HYKK: variants seen among roughly 807,000 people sequenced by gnomAD.
The protein encoded by HYKK is hydroxylysine kinase.
In HYKK, 19 loss-of-function variants were observed where a neutral mutation model predicts 29.7. The ratio of observed to expected loss-of-function variants is 0.64; its 90% CI spans 0.45 to 0.94. The LOEUF (loss-of-function observed/expected upper bound fraction) is 0.94, where lower values mean the gene tolerates loss of function less well. Ranked by LOEUF, HYKK falls within the 40% of genes least tolerant of loss-of-function variation. The pLI is 0.00. For missense variants in HYKK, 390 were observed against 443.4 expected (o/e 0.88, Z 1.08); for synonymous variants, 152 against 158.1 (o/e 0.96, Z 0.29).
chr15:78,512,438 G>T lies in HYKK; in HGVS notation c.-5-646G>T, dbSNP rs1217927812. Among the ~76,000 whole-genome samples, 3 of 120,524 alleles carry T rather than the reference G, an allele frequency of 2.5e-5. No homozygotes were observed. In the Admixed American group the frequency reaches 3.4e-4, roughly 14 times the overall value. The allele number at this position is 120,524 out of a possible 152,430, so 79.1% of individuals were successfully genotyped here. On this transcript the variant is annotated intron_variant, in intron 1 of 4. Transcript: ENST00000388988. ...TTTTTTTGAGATGGAGTCTCGCCCT[G>T]TTGCCCAGGCTAGAGTGTAGTGGTG...
intron 1 of HYKK, 75 bp from the exon 2 acceptor site, chr15:78,513,009 G>A (rs2052089570): frequency 7.6e-6 from 6 of 787,858 alleles, no homozygotes; most frequent in Non-Finnish European, 2.1e-6. Context: ...TTACTGGTCT[G>A]TCTTGAGAAA....
At chr15:78,510,958 CTTTTTTTT>C (rs923918603) in intron 1 of HYKK, among the ~76,000 whole-genome samples, 3 of 85,158 alleles carry the variant, frequency 3.5e-5, no homozygotes, top group Admixed American at 1.2e-4. Flanking sequence ...TCATGAGATT[CTTTTTTTT>C]TTTTTTTTTT....
chr15:78,509,484 A>G (rs2052049742), intron 1 of HYKK, among the ~76,000 whole-genome samples: 1 of 152,266 alleles, frequency 6.6e-6, no homozygotes, highest in Admixed American at 6.5e-5. Flanking sequence ...GTATGGGAAC[A>G]TCTGGAATAG....
At position 78,527,569 on chromosome 15, in the gene HYKK, T is replaced by C. The variant is rs758629982; in HGVS notation, c.661+6T>C. The C allele has an allele frequency of 1.2e-6, 2 of 1,610,584 alleles. No individual in the cohort carries two copies. The highest frequency in any genetic ancestry group is 3.3e-5 in the Admixed American group (2 of 59,988). On this transcript the variant is annotated splice_donor_region_variant and intron_variant, in intron 4 of 4. Coordinates refer to ENST00000388988, the MANE Select transcript of HYKK (RefSeq NM_001013619.4). ...ATTAAGTCATTTTCGAGAATGTGAG[T>C]ATTCTCCCAATTAAGTATTTTTCTT...
chr15:78,510,283 C>T (rs1037194701), intron 1 of HYKK, among the ~76,000 whole-genome samples: 1 of 151,944 alleles, frequency 6.6e-6, no homozygotes, highest in Non-Finnish European at 1.5e-5. Flanking sequence ...CTCTGGGTTC[C>T]AGTGATTCTC....
chr15:78,518,944 C>G (rs2052164240), intron 3 of HYKK, among the ~76,000 whole-genome samples: 2 of 151,720 alleles, frequency 1.3e-5, no homozygotes, highest in South Asian at 2.1e-4. Flanking sequence ...AACTGAAACC[C>G]CTGTTGCAGT....
At chr15:78,525,257 G>A (rs1048275269) in intron 3 of HYKK, among the ~76,000 whole-genome samples, 2 of 151,678 alleles carry the variant, frequency 1.3e-5, no homozygotes, top group Non-Finnish European at 2.9e-5. Context: ...CCAGATTCAT[G>A]CCATTCTCCT....
At position 78,512,002 on chromosome 15, in the gene HYKK, C is replaced by G. The variant is rs553925937; in HGVS notation, c.-5-1082C>G. Among the ~76,000 whole-genome samples the G allele has an allele frequency of 6.6e-5, 10 of 152,286 alleles. No individual in the cohort carries two copies. In the South Asian group the frequency reaches 2.1e-3, roughly 32 times the overall value. The stretch of plus-strand genomic sequence containing the variant: ...TCATAGGTCACAAACTCAAATGTAA[C>G]TTTATTTTTTGTAATTGACCTTAAT... On this transcript the variant is annotated intron_variant, in intron 1 of 4. Coordinates refer to ENST00000388988, the MANE Select transcript of HYKK (RefSeq NM_001013619.4).
intron 4 of HYKK, among the ~76,000 whole-genome samples, chr15:78,532,291 C>T (rs1226447388): frequency 6.6e-6 from 1 of 152,192 alleles, no homozygotes; most frequent in African/African-American, 2.4e-5. Context: ...GACAAGGCCA[C>T]TGATCACACT....
intron 4 of HYKK, among the ~76,000 whole-genome samples, chr15:78,531,817 G>A (rs879588376): frequency 2.6e-5 from 4 of 152,174 alleles, no homozygotes; most frequent in Admixed American, 6.5e-5. Context: ...TTACAGGCAT[G>A]AGCCACTGGG....
chr15:78,519,117 G>A (rs2052165709), intron 3 of HYKK, among the ~76,000 whole-genome samples: 1 of 152,082 alleles, frequency 6.6e-6, no homozygotes, highest in South Asian at 2.1e-4. Context: ...GACATTCTCT[G>A]AACCATTTAT....
chr15:78,518,911 T>C (rs1370311526), intron 3 of HYKK: 2 of 145,554 alleles, frequency 1.4e-5, no homozygotes, highest in Non-Finnish European at 3.0e-5. Context: ...AGCAAGACTC[T>C]GTCTAAAAAA....
chr15:78,509,979 A>G (rs2052055219), intron 1 of HYKK, among the ~76,000 whole-genome samples: 2 of 152,170 alleles, frequency 1.3e-5, no homozygotes, highest in African/African-American at 4.8e-5. Flanking sequence ...GGCTGGAGCA[A>G]TCACTTTGGG....
chr15:78,530,544 A>G (rs1010491562), intron 4 of HYKK, among the ~76,000 whole-genome samples: 3 of 152,206 alleles, frequency 2.0e-5, no homozygotes, highest in African/African-American at 7.2e-5. Context: ...GAAATGTTCT[A>G]TATCTGTGTT....
intron 3 of HYKK, among the ~76,000 whole-genome samples, chr15:78,523,013 C>T (rs2052214021): frequency 6.6e-6 from 1 of 152,166 alleles, no homozygotes. Flanking sequence ...GGCATGGATA[C>T]TATTAGAGAG....
chr15:78,530,265 A>G (rs892993606), intron 4 of HYKK, among the ~76,000 whole-genome samples: 1 of 151,066 alleles, frequency 6.6e-6, no homozygotes, highest in African/African-American at 2.4e-5. Context: ...CAGTGGTGCA[A>G]TCTCAGCTCA....
chr15:78,513,252 C>T lies in HYKK; in HGVS notation c.164C>T (p.Thr55Ile), dbSNP rs375579045. Residue 55 changes from threonine (T) to isoleucine (I), a missense_variant, in exon 2 of 5, where the codon ACC becomes ATC. Coordinates refer to ENST00000388988, the MANE Select transcript of HYKK (RefSeq NM_001013619.4). ...AACTTTCATGTCTACGTTTCAAAAA[C>T]CAAAGATGGCCCAACTGAATATGTC... ...DQNFHVYVSK[T>I]KDGPTEYVLK... 2 of 1,614,060 alleles carry T rather than the reference C, an allele frequency of 1.2e-6. No homozygotes were observed. Among genetic ancestry groups the T allele is most frequent in the African/African-American group, 2.7e-5 (2 of 74,914 alleles).
At chr15:78,518,783 C>T (rs912519237) in intron 3 of HYKK, 9 of 312,618 alleles carry the variant, frequency 2.9e-5, no homozygotes, top group Middle Eastern at 1.2e-3. Flanking sequence ...GGTATGGTGG[C>T]GGGCGCCTAT....
At chr15:78,514,796 G>T (rs1029108281) in intron 2 of HYKK, among the ~76,000 whole-genome samples, 172 bp from the exon 3 acceptor site, 2 of 151,778 alleles carry the variant, frequency 1.3e-5, no homozygotes, top group African/African-American at 4.8e-5. Context: ...GCTGTTTTAG[G>T]TTAGCACATT....
Sources: gnomAD v4.1 joint callset for allele counts (sites outside exome capture counted in the v4.1 genomes callset) on GRCh38, gnomAD v4.1.1 for gene constraint, MANE v1.5 for transcripts, NCBI Gene and HGNC (gene_info 2026-07-23, HGNC 2026-07-21) for gene names.